MACROH2A1: variants seen among roughly 807,000 people sequenced by gnomAD.
MACROH2A1 encodes macroH2A.1 histone.
MACROH2A1 carries 2 observed loss-of-function variants against 31.6 expected under a neutral mutation model. The observed-to-expected ratio is 0.06, with a 90% CI of 0.03 to 0.20. The LOEUF (loss-of-function observed/expected upper bound fraction) is 0.20. MACROH2A1 is among the 10% of genes least tolerant of loss of function. The pLI, the probability that MACROH2A1 is intolerant of heterozygous loss-of-function variation, is 1.00. For missense variants in MACROH2A1, 230 were observed against 474.0 expected (o/e 0.49, Z 4.78); for synonymous variants, 169 against 189.6 (o/e 0.89, Z 0.89).
At chr5:135,383,234 T>G (rs1765892445) in intron 2 of MACROH2A1, among the ~76,000 whole-genome samples, 1 of 152,240 alleles carries the variant, frequency 6.6e-6, no homozygotes, top group Admixed American at 6.5e-5. Flanking sequence ...GTAACTTAGA[T>G]TATGTGGGGA....
chr5:135,358,853 C>A (rs1762490830), intron 5 of MACROH2A1: 1 of 984,864 alleles, frequency 1.0e-6, no homozygotes, highest in African/African-American at 1.7e-5. Flanking sequence ...GGCCCTGAGA[C>A]CAGATGTATC....
chr5:135,365,102 C>T (rs545939429), intron 4 of MACROH2A1, among the ~76,000 whole-genome samples: 38 of 152,248 alleles, frequency 2.5e-4, no homozygotes, highest in African/African-American at 7.9e-4. Context: ...TGATTCTTAG[C>T]GTACATCTGA....
intron 4 of MACROH2A1, among the ~76,000 whole-genome samples, chr5:135,363,363 C>T (rs1763091616): frequency 6.6e-6 from 1 of 152,214 alleles, no homozygotes; most frequent in Non-Finnish European, 1.5e-5. Flanking sequence ...AAGGTACCCA[C>T]CCAACGGGAC....
chr5:135,345,937 C>T (rs572189889), intron 7 of MACROH2A1, 31 bp downstream of exon 7: 2 of 1,450,970 alleles, frequency 1.4e-6, no homozygotes, highest in African/African-American at 1.4e-5. Flanking sequence ...TGTGTCACAA[C>T]CAGATAAGCA....
At chr5:135,378,536 TG>T (rs1765216987) in intron 2 of MACROH2A1, among the ~76,000 whole-genome samples, 1 of 152,174 alleles carries the variant, frequency 6.6e-6, no homozygotes, top group Admixed American at 6.5e-5. Flanking sequence ...GAGCCAGCCT[TG>T]GGGACCGGGC....
chr5:135,335,018 T>G lies in MACROH2A1; in HGVS notation c.1077A>C (p.Ile359=), dbSNP rs1463452330. The change falls in exon 9 of 9, where the codon ATA becomes ATC. Residue 359 remains isoleucine (I), a synonymous_variant. Transcript: ENST00000511689. ...TGGCCATTTCCTGCACATAGATGCC[T>G]ATACTCTCGCTGTCAAAAAGCACGA... The part of the protein sequence containing the change: ...VYFVLFDSES[I]GIYVQEMAKL... 1 of 1,614,116 alleles carries G rather than the reference T, an allele frequency of 6.2e-7. No individual in the cohort carries two copies.
chr5:135,343,217 G>A, intron 8 of MACROH2A1, 43 bp downstream of exon 8: 4 of 1,610,940 alleles, frequency 2.5e-6, no homozygotes, highest in Non-Finnish European at 3.4e-6. Flanking sequence ...TGTGCGCAGA[G>A]AGACACACCC....
chr5:135,335,350 C>T (rs1758471936), intron 8 of MACROH2A1, among the ~76,000 whole-genome samples: 1 of 152,254 alleles, frequency 6.6e-6, no homozygotes, highest in African/African-American at 2.4e-5. Flanking sequence ...AGAGAGCTGG[C>T]ACCTGCAGAA....
chr5:135,395,956 T>C (rs1303620786), intron 1 of MACROH2A1, among the ~76,000 whole-genome samples: 1 of 152,244 alleles, frequency 6.6e-6, no homozygotes, highest in African/African-American at 2.4e-5. Context: ...ACTCCTGTTA[T>C]GTTTTCAGTG....
chr5:135,395,466 G>GC (rs1767841757), intron 1 of MACROH2A1, among the ~76,000 whole-genome samples: 1 of 152,094 alleles, frequency 6.6e-6, no homozygotes, highest in Non-Finnish European at 1.5e-5. Flanking sequence ...GAAGAACCAC[G>GC]CCATCCATTC....
At chr5:135,391,499 G>A (rs1767234557) in intron 1 of MACROH2A1, among the ~76,000 whole-genome samples, 2 of 152,164 alleles carry the variant, frequency 1.3e-5, no homozygotes, top group Admixed American at 6.5e-5. Flanking sequence ...CTTAAAAGTG[G>A]TGCTCCTTGT....
At chr5:135,383,901 T>C (rs144427135) in intron 2 of MACROH2A1, among the ~76,000 whole-genome samples, 1,805 of 152,240 alleles carry the variant, frequency 0.012, 15 homozygotes, top group Non-Finnish European at 0.016. Context: ...GGAGGTGCAC[T>C]CATGCAAACA....
At chr5:135,358,569 A>G in intron 5 of MACROH2A1, 3 of 985,354 alleles carry the variant, frequency 3.0e-6, no homozygotes, top group Non-Finnish European at 3.6e-6. Context: ...CTTATGGCTG[A>G]CCATTTTATA....
At chr5:135,396,364 T>C (rs1767982531) in intron 1 of MACROH2A1, among the ~76,000 whole-genome samples, 1 of 152,192 alleles carries the variant, frequency 6.6e-6, no homozygotes, top group Admixed American at 6.5e-5. Flanking sequence ...CCTGTCTCTC[T>C]CCTGCTCAAA....
At chr5:135,335,186 G>A (rs568145557) in intron 8 of MACROH2A1, 45 bp from the exon 9 acceptor site, 1 of 1,523,484 alleles carries the variant, frequency 6.6e-7, no homozygotes, top group Non-Finnish European at 9.1e-7. Flanking sequence ...ATGCCACGGG[G>A]GCTGCAGGAC....
intron 7 of MACROH2A1, chr5:135,344,450 G>A (rs1173954220): frequency 6.6e-6 from 1 of 152,058 alleles, no homozygotes; most frequent in African/African-American, 2.4e-5. Flanking sequence ...GAGAAGGAGC[G>A]ATTTGTGGGT....
intron 5 of MACROH2A1, chr5:135,358,032 C>A: frequency 1.0e-6 from 1 of 981,874 alleles, no homozygotes; most frequent in Non-Finnish European, 1.2e-6. Flanking sequence ...ATATAGTCAC[C>A]ATTCTAAAGT....
At chr5:135,396,937 A>G (rs528265074) in intron 1 of MACROH2A1, among the ~76,000 whole-genome samples, 1 of 152,052 alleles carries the variant, frequency 6.6e-6, no homozygotes, top group South Asian at 2.1e-4. Flanking sequence ...GGCCCAAAAG[A>G]CCTCTAAACC....
chr5:135,359,234 C>G (rs1192200751), intron 5 of MACROH2A1: 1 of 985,204 alleles, frequency 1.0e-6, no homozygotes, highest in Non-Finnish European at 1.2e-6. Context: ...GAAGGTGACC[C>G]CAAGGGCTGA....
Sources: allele counts gnomAD v4.1 joint callset (sites outside exome capture counted in the v4.1 genomes callset), GRCh38; gene constraint gnomAD v4.1.1; transcripts MANE v1.5; gene names NCBI Gene and HGNC (gene_info 2026-07-23, HGNC 2026-07-21).